MYBBP1A: variants seen among roughly 807,000 people sequenced by gnomAD.
MYBBP1A encodes the protein MYB binding protein 1a, also known as myb-binding protein 1A.
In MYBBP1A, 147 loss-of-function variants were observed where a neutral mutation model predicts 136.3. That is an observed-to-expected ratio of 1.08 (90% CI 0.94 to 1.24). MYBBP1A has a LOEUF of 1.24. MYBBP1A is among the 50% of genes most tolerant of loss of function. The pLI, the probability that MYBBP1A is intolerant of heterozygous loss-of-function variation, is 0.00. For synonymous variants in MYBBP1A, 947 were observed against 735.8 expected (o/e 1.29, Z -4.65); for missense variants, 2,060 against 1,727.4 (o/e 1.19, Z -3.41).
At position 4,542,716 on chromosome 17, in the gene MYBBP1A, A is replaced by G. The variant is rs765925680; in HGVS notation, c.2918T>C (p.Leu973Pro). 7 of 1,613,830 alleles carry G rather than the reference A, an allele frequency of 4.3e-6. No individual in the cohort carries two copies. Among genetic ancestry groups the G allele is most frequent in the Non-Finnish European group, 8.5e-7 (1 of 1,179,938 alleles). The stretch of plus-strand genomic sequence containing the variant: ...TGCTGTCGAGTACACCCGGGTCACC[A>G]GGTTCAAGTCCAAGCAGCTGGCAGC... ...PQAASCLDLN[L>P]VTRVYSTALS... The change falls in exon 21 of 26, where the codon CTG (leucine) becomes CCG (proline). Residue 973 changes from leucine to proline, a missense_variant. By Grantham distance (98) the Leu-to-Pro change is moderately conservative. Coordinates refer to ENST00000254718, the MANE Select transcript of MYBBP1A (RefSeq NM_014520.4).
rs1182514755 is a variant in MYBBP1A at position 4,552,302 on chromosome 17, G to A, written c.738-10C>T. On this transcript the variant is annotated splice_polypyrimidine_tract_variant and intron_variant, in intron 6 of 25. Transcript: ENST00000254718. The surrounding 1 kb of genome is among the most constrained non-coding windows in gnomAD (Gnocchi z 4.7). ...CAGCACATTCACCAGCCTGCGGAGG[G>A]CAAGGGACTCAGGGAACACTTGCCT... is the stretch of plus-strand genomic sequence containing the variant. The A allele has an allele frequency of 3.1e-6, 5 of 1,613,628 alleles. No individual in the cohort carries two copies. Among genetic ancestry groups the A allele is most frequent in the Non-Finnish European group, 4.2e-6 (5 of 1,179,964 alleles).
In MYBBP1A at chr17:4,553,857, G is replaced by A. The variant is rs778203636; in HGVS notation, c.514C>T (p.His172Tyr). 10 of 1,613,952 alleles carry A rather than the reference G, an allele frequency of 6.2e-6. No individual in the cohort carries two copies. In the East Asian group the frequency reaches 6.7e-5, roughly 11 times the overall value. ...GCCTTCCGGGGCTGCTCCTGCAAGT[G>A]GTTTTGGTACTGGGCCAGGGCCTGC... ...LLQALAQYQN[H>Y]LQEQPRKALV... is the part of the protein sequence containing the mutation. The change falls in exon 5 of 26, where the codon CAC (histidine) becomes TAC (tyrosine). Residue 172 changes from histidine to tyrosine, a missense_variant. Transcript: ENST00000254718.
At chr17:4,546,679 G>A (rs1485538104) in intron 13 of MYBBP1A, among the ~76,000 whole-genome samples, 2 of 152,226 alleles carry the variant, frequency 1.3e-5, no homozygotes, top group African/African-American at 4.8e-5. Context: ...TCATCTGACT[G>A]GGGATAACCC....
Position 4,539,962 on chromosome 17 carries a change from G to A in MYBBP1A, c.3440C>T (p.Pro1147Leu). The A allele has an allele frequency of 6.3e-7, 1 of 1,598,034 alleles. No individual in the cohort carries two copies. Among genetic ancestry groups the A allele is most frequent in the Non-Finnish European group, 8.5e-7 (1 of 1,179,176 alleles). ...QAMKTLGVQR[P>L]KLEKKDAKEI... is the part of the protein sequence containing the mutation. Reference sequence around the variant, plus strand: ...CTTGGCATCCTTCTTCTCCAACTTGGGGCGCCTGAAGGGAAGTGAGCAAGG... The same window carrying A: ...CTTGGCATCCTTCTTCTCCAACTTGAGGCGCCTGAAGGGAAGTGAGCAAGG... Residue 1147 changes from proline to leucine, a missense_variant, in exon 26 of 26, where the codon CCC becomes CTC. Pro to Leu is a moderately conservative substitution (Grantham distance 98). Transcript: ENST00000254718.
Position 4,552,361 on chromosome 17 carries a change from G to A in MYBBP1A, c.738-69C>T. 6.2e-7 allele frequency: 1 copy of A among 1,605,328 alleles called. No homozygotes were observed. The highest frequency in any genetic ancestry group is 8.5e-7 in the Non-Finnish European group (1 of 1,176,290). On this transcript the variant is annotated intron_variant, in intron 6 of 25. Coordinates refer to ENST00000254718, the MANE Select transcript of MYBBP1A (RefSeq NM_014520.4). This position sits in a 1 kb window ranked among gnomAD's most constrained non-coding sequence, Gnocchi z 4.7. ...AGGGCCAGGGTGACAAGAGCAGCCG[G>A]GACACCCCCAGGCCAAACGACAAAT... is the stretch of plus-strand genomic sequence containing the variant.
chr17:4,552,204 G>A lies in MYBBP1A; in HGVS notation c.826C>T (p.Leu276Phe), dbSNP rs1907581934. Residue 276 changes from leucine to phenylalanine, a missense_variant, in exon 7 of 26, where the codon CTC becomes TTC. By Grantham distance (22) the Leu-to-Phe change is conservative. Transcript: ENST00000254718. This position sits in a 1 kb window ranked among gnomAD's most constrained non-coding sequence, Gnocchi z 4.7. ...AIALDLLRLA[L>F]KEDKFPRFWK... is the part of the protein sequence containing the mutation. ...AACCGTGGGAACTTGTCTTCCTTGA[G>A]TGCCAGGCGGAGCAGGTCCAGAGCA... 2 of 1,614,232 alleles carry A rather than the reference G, an allele frequency of 1.2e-6. No homozygotes were observed. Among genetic ancestry groups the A allele is most frequent in the South Asian group, 1.1e-5 (1 of 91,090 alleles).
rs753885701 is a variant in MYBBP1A at position 4,545,275 on chromosome 17, C to T, written c.2144G>A (p.Arg715Gln). The change falls in exon 16 of 26, where the codon CGG becomes CAG. Residue 715 changes from arginine to glutamine, a missense_variant. Coordinates refer to ENST00000254718, the MANE Select transcript of MYBBP1A (RefSeq NM_014520.4). ...VVVTDDSDER[R>Q]LKGAEDKSEE... The stretch of plus-strand genomic sequence containing the variant: ...TGGCAACACCTCTGCACCCTTCAGC[C>T]GCCGCTCATCAGAATCGTCCGTCAC... 57 of 1,613,050 alleles carry T rather than the reference C, an allele frequency of 3.5e-5. 1 individual carries two copies. The Admixed American group carries it at 4.7e-4, about 13-fold the overall frequency.
Position 4,552,674 on chromosome 17 carries a change from C to T in MYBBP1A, c.562-48G>A, listed in dbSNP as rs1907634717. ...TCGTGACTTCCTCTGCGGGGTGAGC[C>T]TGGTGGATCCTGTTCTACCTGCTCC... On this transcript the variant is annotated intron_variant, in intron 5 of 25. Transcript: ENST00000254718. This position sits in a 1 kb window ranked among gnomAD's most constrained non-coding sequence, Gnocchi z 4.7. The T allele has an allele frequency of 5.1e-6, 8 of 1,568,692 alleles. No homozygotes were observed. In the East Asian group the frequency reaches 1.8e-4, roughly 35 times the overall value.
chr17:4,540,158 C>CCTGCGAGGCCCCTGGGTCCTGCGAGGG (rs1278811291), intron 25 of MYBBP1A, among the ~76,000 whole-genome samples, 190 bp downstream of exon 25: 6 of 124,978 alleles, frequency 4.8e-5, no homozygotes, highest in African/African-American at 8.0e-5. Flanking sequence ...TCCTGCGAGG[C>CCTGCGAGGCCCCTGGGTCCTGCGAGGG]TCCTGCGAGG....
intron 25 of MYBBP1A, 136 bp from the exon 26 acceptor site, chr17:4,540,103 G>C: frequency 1.6e-6 from 2 of 1,222,172 alleles, no homozygotes; most frequent in East Asian, 4.7e-5. Context: ...AGGGTCCCGT[G>C]AGGGTCCTAT....
chr17:4,549,363 T>C lies in MYBBP1A; in HGVS notation c.1399A>G (p.Met467Val), dbSNP rs1478367292. Residue 467 changes from methionine (M) to valine (V), a missense_variant, in exon 10 of 26, where the codon ATG (methionine) becomes GTG (valine). Physicochemically the swap from Met to Val is conservative, Grantham distance 21. Transcript: ENST00000254718. ...ACCTGCTCAGTCAAGGCCTCCTCCA[T>C]CTCCAGGTGCAGGCTGTCCACAATG... ...VSIVDSLHLE[M>V]EEALTEQVAR... The C allele has an allele frequency of 1.9e-6, 3 of 1,612,864 alleles. No homozygotes were observed. The highest frequency in any genetic ancestry group is 2.5e-6 in the Non-Finnish European group (3 of 1,179,942).
chr17:4,550,485 C>G, intron 8 of MYBBP1A, 132 bp from the exon 9 acceptor site: 1 of 990,592 alleles, frequency 1.0e-6, no homozygotes, highest in Admixed American at 2.3e-5. Context: ...CAACAGCCCA[C>G]CAGGCTTGTG....
At chr17:4,541,327 T>C (rs965257599) in intron 24 of MYBBP1A, 136 bp downstream of exon 24, 3 of 782,154 alleles carry the variant, frequency 3.8e-6, no homozygotes, top group Non-Finnish European at 4.3e-6. Flanking sequence ...CCCAGAGCCC[T>C]GGCCCAGGCA....
At chr17:4,540,312 C>A (rs373602629) in intron 25 of MYBBP1A, 36 bp downstream of exon 25, 292 of 1,569,508 alleles carry the variant, frequency 1.9e-4, no homozygotes, top group Non-Finnish European at 2.4e-4. Flanking sequence ...GTTCCCAGCC[C>A]CTACCCAAGG....
At chr17:4,549,608 C>T (rs766502337) in intron 9 of MYBBP1A, among the ~76,000 whole-genome samples, 166 bp from the exon 10 acceptor site, 8 of 152,028 alleles carry the variant, frequency 5.3e-5, no homozygotes, top group Non-Finnish European at 1.2e-4. Context: ...GAAACCCCAT[C>T]TCCATTAAAA....
chr17:4,550,147 C>T lies in MYBBP1A; in HGVS notation c.1230G>A (p.Leu410=), dbSNP rs753351137. Residue 410 remains leucine, a synonymous_variant, in exon 9 of 26, where the codon CTG becomes CTA. Coordinates refer to ENST00000254718, the MANE Select transcript of MYBBP1A (RefSeq NM_014520.4). ...GGTCTGGCTGGAGAAACATGGCCCG[C>T]AGCCAGGCCACATAGCCCTGCAGGG... ...PPALQGYVAW[L]RAMFLQPDLD... 2 of 1,613,972 alleles carry T rather than the reference C, an allele frequency of 1.2e-6. No homozygotes were observed. Among genetic ancestry groups the T allele is most frequent in the South Asian group, 1.1e-5 (1 of 91,090 alleles).
rs555597326 is a variant in MYBBP1A, at chr17:4,549,631, G to A, written c.1320-189C>T. On this transcript the variant is annotated intron_variant, in intron 9 of 25. Transcript: ENST00000254718. Reference sequence around the variant, plus strand: ...ATCTCCATTAAAAATACAAAAATTAGCTGGGTGTGGTGGCGGGTGCCTGTA... The same window carrying A: ...ATCTCCATTAAAAATACAAAAATTAACTGGGTGTGGTGGCGGGTGCCTGTA... Among the ~76,000 whole-genome samples, 59 of 152,088 alleles carry A rather than the reference G, an allele frequency of 3.9e-4. 1 individual carries two copies. The South Asian group carries it at 9.8e-3, about 25-fold the overall frequency.
At position 4,550,215 on chromosome 17, in the gene MYBBP1A, T is replaced by G. The variant is rs764794794; in HGVS notation, c.1162A>C (p.Thr388Pro). The G allele has an allele frequency of 6.2e-7, 1 of 1,613,816 alleles. No homozygotes were observed. Among genetic ancestry groups the G allele is most frequent in the Non-Finnish European group, 8.5e-7 (1 of 1,180,030 alleles). The change falls in exon 9 of 26, where the codon ACG becomes CCG. Residue 388 changes from threonine to proline, a missense_variant. Physicochemically the swap from Thr to Pro is conservative, Grantham distance 38. Coordinates refer to ENST00000254718, the MANE Select transcript of MYBBP1A (RefSeq NM_014520.4). ...SSVTNQGLPVTPTFWRVVRFL... is the reference protein window; with the variant it reads ...SSVTNQGLPVPPTFWRVVRFL... ...CGCACGACCCGCCAGAAAGTAGGCG[T>G]GACAGGGAGGCCTTGGTTGGTGACA...
chr17:4,539,618 T>G lies in MYBBP1A; in HGVS notation c.3784A>C (p.Asn1262His). The change falls in exon 26 of 26, where the codon AAT (asparagine) becomes CAT (histidine). Residue 1262 changes from asparagine to histidine, a missense_variant. Coordinates refer to ENST00000254718, the MANE Select transcript of MYBBP1A (RefSeq NM_014520.4). ...TCCGTGGGGGACCCGGGAGCTCCAT[T>G]CACCTGGGACGGCTTCTGGTTTTTC... is the stretch of plus-strand genomic sequence containing the variant. ...QKKNQKPSQVNGAPGSPTEPA... is the reference protein window; with the variant it reads ...QKKNQKPSQVHGAPGSPTEPA... 1 of 1,613,918 alleles carries G rather than the reference T, an allele frequency of 6.2e-7. No homozygotes were observed. The highest frequency in any genetic ancestry group is 8.5e-7 in the Non-Finnish European group (1 of 1,179,936).
Sources: allele counts gnomAD v4.1 joint callset (sites outside exome capture counted in the v4.1 genomes callset), GRCh38; gene constraint gnomAD v4.1.1; non-coding constraint Gnocchi (gnomAD v3.1); transcripts MANE v1.5; gene names NCBI Gene and HGNC (gene_info 2026-07-23, HGNC 2026-07-21).